PLEKHA5: variants seen among roughly 807,000 people sequenced by gnomAD.
PLEKHA5 encodes the protein pleckstrin homology domain-containing family A member 5.
Under a neutral mutation model 181.9 loss-of-function variants are expected in PLEKHA5, and 55 were observed. That is an observed-to-expected ratio of 0.30 (90% CI 0.24 to 0.38). The LOEUF (loss-of-function observed/expected upper bound fraction) is 0.38. Ranked by LOEUF, PLEKHA5 falls within the 10% of genes least tolerant of loss-of-function variation. PLEKHA5 has a pLI of 1.00. For synonymous variants in PLEKHA5, 535 were observed against 529.4 expected (o/e 1.01, Z -0.15); for missense variants, 1,432 against 1,549.5 (o/e 0.92, Z 1.27).
intron 3 of PLEKHA5, among the ~76,000 whole-genome samples, chr12:19,214,955 A>G (rs918145585): frequency 6.6e-6 from 1 of 152,074 alleles, no homozygotes; most frequent in Non-Finnish European, 1.5e-5. Flanking sequence ...AGGTGGGCGG[A>G]TCACCTGAGG....
intron 3 of PLEKHA5, among the ~76,000 whole-genome samples, chr12:19,161,592 T>C (rs997216122): frequency 6.6e-6 from 1 of 152,200 alleles, no homozygotes; most frequent in Non-Finnish European, 1.5e-5. Flanking sequence ...GATCCCAGTG[T>C]GCAGCCAACC....
In PLEKHA5 at chr12:19,265,878, T is replaced by C. The variant is rs746883769; in HGVS notation, c.711+28T>C. The stretch of plus-strand genomic sequence containing the variant: ...AAGGAAATAATGCAGTTTTTAATTC[T>C]GTGTTCAAAACTTGCGTTGGTTAAA... On this transcript the variant is annotated intron_variant, in intron 8 of 31. Coordinates refer to ENST00000429027, the MANE Select transcript of PLEKHA5 (RefSeq NM_001256470.2). The C allele has an allele frequency of 1.0e-5, 13 of 1,296,030 alleles. No homozygotes were observed. The Admixed American group carries it at 1.6e-4, about 16-fold the overall frequency. 80.3% of individuals were successfully genotyped at this position (1,296,030 alleles called of 1,614,324 possible).
chr12:19,372,575 T>C (rs1376053199), intron 31 of PLEKHA5: 1 of 151,948 alleles, frequency 6.6e-6, no homozygotes, highest in Non-Finnish European at 1.5e-5. Context: ...CCAAAGTATT[T>C]TGTTGTCTTT....
chr12:19,218,944 AT>A (rs1226278651), intron 3 of PLEKHA5, among the ~76,000 whole-genome samples: 2,023 of 131,624 alleles, frequency 0.015, 20 homozygotes, highest in East Asian at 0.049. Context: ...TTTTTTTTTA[AT>A]TTTTTTTTTT....
intron 1 of PLEKHA5, 70 bp downstream of exon 1, chr12:19,129,958 G>C: frequency 6.7e-7 from 1 of 1,486,298 alleles, no homozygotes; most frequent in African/African-American, 1.4e-5. Flanking sequence ...TGGCGACACG[G>C]GGGAGAGCCC....
intron 3 of PLEKHA5, among the ~76,000 whole-genome samples, chr12:19,162,251 T>C (rs1292613632): frequency 6.6e-6 from 1 of 152,116 alleles, no homozygotes; most frequent in Non-Finnish European, 1.5e-5. Context: ...CAGTGGATAG[T>C]AGAGATAACA....
intron 3 of PLEKHA5, among the ~76,000 whole-genome samples, chr12:19,186,955 C>G (rs2050010684): frequency 6.6e-6 from 1 of 152,166 alleles, no homozygotes; most frequent in Non-Finnish European, 1.5e-5. Flanking sequence ...TAAGTAATTA[C>G]AAAGATGTGT....
At chr12:19,269,396 A>G (rs201997021) in intron 8 of PLEKHA5, among the ~76,000 whole-genome samples, 3,652 of 85,118 alleles carry the variant, frequency 0.043, 88 homozygotes, top group Non-Finnish European at 0.055. Flanking sequence ...CAAAAAAAAG[A>G]AAAAAAAAAA....
chr12:19,337,534 G>A (rs999079702), intron 21 of PLEKHA5, among the ~76,000 whole-genome samples: 2 of 136,944 alleles, frequency 1.5e-5, no homozygotes, highest in African/African-American at 5.6e-5. Flanking sequence ...GAGCGACAGA[G>A]CGAGACTCTA....
intron 27 of PLEKHA5, 70 bp downstream of exon 27, chr12:19,358,507 A>G: frequency 1.0e-6 from 1 of 992,038 alleles, no homozygotes; most frequent in Non-Finnish European, 1.6e-6. Context: ...TCAGAGTTAC[A>G]TGATTGATAG....
intron 3 of PLEKHA5, chr12:19,151,266 C>T (rs1454870126): frequency 6.6e-6 from 1 of 152,178 alleles, no homozygotes; most frequent in Non-Finnish European, 1.5e-5. Flanking sequence ...TATGGAGCAC[C>T]ATTTCCATAG....
At chr12:19,350,623 G>A (rs182224968) in intron 25 of PLEKHA5, among the ~76,000 whole-genome samples, 53 of 152,198 alleles carry the variant, frequency 3.5e-4, no homozygotes, top group Middle Eastern at 3.4e-3. Context: ...ACAAAAATTA[G>A]CCAGGTGTGG....
intron 30 of PLEKHA5, among the ~76,000 whole-genome samples, chr12:19,368,569 G>A (rs1332149782): frequency 6.6e-6 from 1 of 152,130 alleles, no homozygotes; most frequent in African/African-American, 2.4e-5. Context: ...GAGGCAGGTG[G>A]ATCACCTGAG....
chr12:19,213,628 G>A (rs2057389774), intron 3 of PLEKHA5, among the ~76,000 whole-genome samples: 1 of 152,192 alleles, frequency 6.6e-6, no homozygotes, highest in African/African-American at 2.4e-5. Context: ...ATTGAAGGAG[G>A]AGGAGATAGG....
chr12:19,368,897 T>TA (rs1235133932), intron 30 of PLEKHA5, among the ~76,000 whole-genome samples: 1 of 152,152 alleles, frequency 6.6e-6, no homozygotes, highest in Non-Finnish European at 1.5e-5. Flanking sequence ...ATCAAAGTGT[T>TA]ATGATAGTAT....
At chr12:19,153,543 C>G (rs1459886549) in intron 3 of PLEKHA5, 1 of 152,098 alleles carries the variant, frequency 6.6e-6, no homozygotes, top group African/African-American at 2.4e-5. Flanking sequence ...ACCCCCTCCC[C>G]CACTGTGGAC....
At chr12:19,310,300 CTTTA>C (rs1555157463) in intron 15 of PLEKHA5, among the ~76,000 whole-genome samples, 1 of 152,028 alleles carries the variant, frequency 6.6e-6, no homozygotes, top group Non-Finnish European at 1.5e-5. Context: ...TATATGTATT[CTTTA>C]TTTATTTATG....
intron 3 of PLEKHA5, among the ~76,000 whole-genome samples, chr12:19,181,849 G>C (rs2048677005): frequency 6.6e-6 from 1 of 152,112 alleles, no homozygotes; most frequent in African/African-American, 2.4e-5. Context: ...TAATGTCAAG[G>C]ATGTTTTTGC....
chr12:19,334,829 A>AAAAAAAAAATAT, intron 20 of PLEKHA5, among the ~76,000 whole-genome samples: 2 of 18,604 alleles, frequency 1.1e-4, no homozygotes, highest in Non-Finnish European at 2.9e-4. Context: ...AAAAAAAAAA[A>AAAAAAAAAATAT]ATATATATAT....
Sources: allele counts gnomAD v4.1 joint callset (sites outside exome capture counted in the v4.1 genomes callset), GRCh38; gene constraint gnomAD v4.1.1; transcripts MANE v1.5; gene names NCBI Gene and HGNC (gene_info 2026-07-23, HGNC 2026-07-21).